CGGBP1: variants seen among roughly 807,000 people sequenced by gnomAD.
CGGBP1 encodes the protein CGG triplet repeat-binding protein 1.
In CGGBP1, 4 loss-of-function variants were observed where a neutral mutation model predicts 11.4. The observed-to-expected ratio is 0.35, with a 90% CI of 0.17 to 0.80. CGGBP1 has a LOEUF of 0.80. Among genes scored for constraint, CGGBP1 ranks in the 30% least tolerant of loss-of-function variants. CGGBP1 has a pLI of 0.52. For missense variants in CGGBP1, 135 were observed against 202.1 expected (o/e 0.67, Z 2.01); for synonymous variants, 76 against 74.1 (o/e 1.03, Z -0.13).
At chr3:88,118,139 C>T (rs182942846) in intron 2 of CGGBP1, among the ~76,000 whole-genome samples, 47 of 152,208 alleles carry the variant, frequency 3.1e-4, no homozygotes, top group African/African-American at 1.1e-3. Context: ...CCTGCCCTGA[C>T]GTTAGAGAAA....
intron 2 of CGGBP1, among the ~76,000 whole-genome samples, chr3:88,067,204 TG>T (rs935698278): frequency 8.5e-5 from 13 of 152,204 alleles, no homozygotes; most frequent in Non-Finnish European, 1.9e-4. Context: ...CTTTGGTAAG[TG>T]CTATGAAGAA....
At chr3:88,081,434 G>C (rs2107646533) in intron 2 of CGGBP1, among the ~76,000 whole-genome samples, 1 of 152,234 alleles carries the variant, frequency 6.6e-6, no homozygotes, top group East Asian at 1.9e-4. Context: ...ATCGATGCAT[G>C]GATGTTGTCT....
intron 2 of CGGBP1, among the ~76,000 whole-genome samples, chr3:88,067,528 ATG>A (rs1206274427): frequency 6.6e-6 from 1 of 152,242 alleles, no homozygotes; most frequent in Non-Finnish European, 1.5e-5. Flanking sequence ...TCAAAATTAA[ATG>A]TCTCAGTAGG....
rs2107558145 is a variant in CGGBP1 at position 88,055,352 on chromosome 3, T to C, written c.*121A>G. 1.9e-5 allele frequency: 19 copies of C among 1,007,688 alleles called. No individual in the cohort carries two copies. The highest frequency in any genetic ancestry group is 2.7e-5 in the Non-Finnish European group (19 of 709,076). 62.4% of individuals were successfully genotyped at this position (1,007,688 alleles called of 1,614,324 possible). A position where few individuals can be genotyped will look rare whatever the true frequency, so the allele number is the denominator to read the frequency against. On this transcript the variant is annotated 3_prime_UTR_variant, in exon 4 of 4. Transcript: ENST00000482016. The surrounding 1 kb of genome is among the most constrained non-coding windows in gnomAD (Gnocchi z 4.2). ...TTTTTTGCCTGCAACTATATACACA[T>C]TGCAAAACTATTCTGCGTCACATGA...
At chr3:88,123,754 T>G (rs377005800) in intron 2 of CGGBP1, among the ~76,000 whole-genome samples, 1 of 152,224 alleles carries the variant, frequency 6.6e-6, no homozygotes, top group East Asian at 1.9e-4. Context: ...GTCCCAGGAC[T>G]GAGCAGCAGA....
At chr3:88,099,494 A>G (rs1451113092) in intron 2 of CGGBP1, among the ~76,000 whole-genome samples, 2 of 152,168 alleles carry the variant, frequency 1.3e-5, no homozygotes, top group East Asian at 3.9e-4. Flanking sequence ...CTCATACGGA[A>G]CCAAAAAAGA....
At chr3:88,083,941 T>TATATATA (rs1708208971) in intron 2 of CGGBP1, among the ~76,000 whole-genome samples, 1 of 147,698 alleles carries the variant, frequency 6.8e-6, no homozygotes, top group Non-Finnish European at 1.5e-5. Flanking sequence ...TGTACTTATT[T>TATATATA]TATATATATA....
At chr3:88,090,590 T>C (rs1034876760) in intron 2 of CGGBP1, among the ~76,000 whole-genome samples, 1 of 152,204 alleles carries the variant, frequency 6.6e-6, no homozygotes, top group Non-Finnish European at 1.5e-5. Flanking sequence ...ATAAGTGCGG[T>C]ATAGCCTACA....
At chr3:88,107,619 T>C (rs1704823466) in intron 2 of CGGBP1, among the ~76,000 whole-genome samples, 1 of 152,176 alleles carries the variant, frequency 6.6e-6, no homozygotes, top group South Asian at 2.1e-4. Flanking sequence ...ATTAAACATG[T>C]ATACTCCACC....
intron 2 of CGGBP1, among the ~76,000 whole-genome samples, chr3:88,074,362 G>C (rs1437662065): frequency 8.4e-6 from 1 of 119,328 alleles, no homozygotes; most frequent in African/African-American, 3.0e-5. Context: ...TTTTTTTTGA[G>C]ACTGAGTCTT....
rs1706502270 is a variant in CGGBP1 at position 88,054,660 on chromosome 3, A to T, written c.*813T>A. On this transcript the variant is annotated 3_prime_UTR_variant, in exon 4 of 4. Transcript: ENST00000482016. Reference sequence around the variant, plus strand: ...CAACCATAAAATGTCTGTTTAAGTAAAAATGCCAATCTTGAAATCTTTTAA... The same window carrying T: ...CAACCATAAAATGTCTGTTTAAGTATAAATGCCAATCTTGAAATCTTTTAA... The T allele has an allele frequency of 6.6e-6, 1 of 152,656 alleles. No homozygotes were observed. The highest frequency in any genetic ancestry group is 2.4e-5 in the African/African-American group (1 of 41,462). 9.5% of individuals were successfully genotyped at this position (152,656 alleles called of 1,614,324 possible).
At chr3:88,100,027 G>A (rs1024914120) in intron 2 of CGGBP1, among the ~76,000 whole-genome samples, 1 of 152,144 alleles carries the variant, frequency 6.6e-6, no homozygotes, top group Non-Finnish European at 1.5e-5. Flanking sequence ...TACCATCACA[G>A]TGAACAGGCA....
At chr3:88,060,836 T>G (rs2107577726), upstream of CGGBP1, among the ~76,000 whole-genome samples, 1 of 152,182 alleles carries the variant, frequency 6.6e-6, no homozygotes, top group East Asian at 1.9e-4. Context: ...AAGAATTCCC[T>G]TACAAGCATT....
chr3:88,052,144 T>G lies in CGGBP1; in HGVS notation c.*3329A>C, dbSNP rs575383105. On this transcript the variant is annotated 3_prime_UTR_variant, in exon 4 of 4. Transcript: ENST00000482016. ...AATACAAAAATGAAATAGTAAAATT[T>G]TAATACAGTATTCTGAATACAAGTA... 4 of 152,766 alleles carry G rather than the reference T, an allele frequency of 2.6e-5. No homozygotes were observed. The East Asian group carries it at 7.7e-4, about 29-fold the overall frequency. The allele number at this position is 152,766 out of a possible 1,614,324, so 9.5% of individuals were successfully genotyped here.
chr3:88,079,108 T>G (rs111600236), intron 2 of CGGBP1, among the ~76,000 whole-genome samples: 189 of 152,184 alleles, frequency 1.2e-3, no homozygotes, highest in Non-Finnish European at 2.1e-3. Flanking sequence ...TGGATCTATA[T>G]GAAAAAGAGC....
intron 2 of CGGBP1, among the ~76,000 whole-genome samples, chr3:88,125,827 A>G (rs971475450): frequency 6.6e-6 from 1 of 152,122 alleles, no homozygotes; most frequent in African/African-American, 2.4e-5. Context: ...TTAACTGAAC[A>G]TTTAAGTTTC....
intron 2 of CGGBP1, among the ~76,000 whole-genome samples, chr3:88,074,250 G>A (rs1707672548): frequency 6.6e-6 from 1 of 152,060 alleles, no homozygotes; most frequent in Admixed American, 6.6e-5. Flanking sequence ...TTTTTCAGGA[G>A]CTGCAGCTTG....
chr3:88,129,592 T>G (rs1706327923), intron 2 of CGGBP1: 1 of 1,019,178 alleles, frequency 9.8e-7, no homozygotes, highest in Admixed American at 3.0e-5. Flanking sequence ...AAACTAGAAA[T>G]CTAAGCAATT....
At chr3:88,083,609 G>A (rs538109908) in intron 2 of CGGBP1, among the ~76,000 whole-genome samples, 112 of 152,220 alleles carry the variant, frequency 7.4e-4, no homozygotes, top group South Asian at 1.0e-3. Flanking sequence ...TCTTCAAAAT[G>A]AGAAAAGGGT....
Sources: allele counts gnomAD v4.1 joint callset (sites outside exome capture counted in the v4.1 genomes callset), GRCh38; gene constraint gnomAD v4.1.1; non-coding constraint Gnocchi (gnomAD v3.1); transcripts MANE v1.5; gene names NCBI Gene and HGNC (gene_info 2026-07-23, HGNC 2026-07-21).